The following TTC21A variants were observed in gnomAD, a reference collection of about 807,000 sequenced individuals.
TTC21A encodes the protein tetratricopeptide repeat protein 21A.
TTC21A carries 128 observed loss-of-function variants against 156.4 expected under a neutral mutation model. The observed-to-expected ratio is 0.82, with a 90% CI of 0.71 to 0.95. The LOEUF (loss-of-function observed/expected upper bound fraction) is 0.95, where lower values mean the gene tolerates loss of function less well. TTC21A is among the 40% of genes least tolerant of loss of function. The probability of loss-of-function intolerance (pLI) is 0.00; values close to 1 mark genes in which losing one functional copy is unlikely to be tolerated. For missense variants in TTC21A, 1,435 were observed against 1,602.3 expected (o/e 0.90, Z 1.78); for synonymous variants, 587 against 617.1 (o/e 0.95, Z 0.72).
rs1408219377 is a variant in TTC21A at position 39,116,567 on chromosome 3, CT to C, written c.717-1501del. ...CATAGTTCACTGCAGCCTCGAACCC[CT>C]GGGCTCAAGTGATCCTCCCAACTCA... On this transcript the variant is annotated intron_variant, in intron 6 of 28. Transcript: ENST00000683103. Among the ~76,000 whole-genome samples the C allele has an allele frequency of 2.2e-4, 34 of 152,086 alleles. 1 individual carries two copies. Among genetic ancestry groups the C allele is most frequent in the African/African-American group, 7.7e-4 (32 of 41,440 alleles).
chr3:39,109,895 A>G (rs2036660505), intron 2 of TTC21A, 134 bp from the exon 3 acceptor site: 1 of 635,074 alleles, frequency 1.6e-6, no homozygotes, highest in Non-Finnish European at 2.8e-6. Flanking sequence ...ATCTTCAGGG[A>G]ACTTGGGTCA....
intron 3 of TTC21A, 40 bp downstream of exon 3, chr3:39,110,179 G>A (rs534522579): frequency 1.3e-6 from 2 of 1,499,128 alleles, no homozygotes; most frequent in South Asian, 1.1e-5. Flanking sequence ...ACCCACCAGG[G>A]GAAGGAAAGC....
At chr3:39,126,672 C>T (rs1046218966) in intron 12 of TTC21A, among the ~76,000 whole-genome samples, 5 of 152,284 alleles carry the variant, frequency 3.3e-5, no homozygotes, top group South Asian at 2.1e-4. Flanking sequence ...CGTGCACACA[C>T]ACACAGGCAC....
In TTC21A at chr3:39,130,516, C is replaced by T. The variant is rs530615064; in HGVS notation, c.2319+158C>T. On this transcript the variant is annotated intron_variant, in intron 17 of 28. Transcript: ENST00000683103. The surrounding 1 kb of genome is among the most constrained non-coding windows in gnomAD (Gnocchi z 4.5). The stretch of plus-strand genomic sequence containing the variant: ...GTGCCAAGGGGAGAACTCAGCAACT[C>T]TCTGCTGCTGACCACACCTGCTTAA... The T allele has an allele frequency of 1.3e-5, 12 of 956,616 alleles. No individual in the cohort carries two copies. The South Asian group carries it at 1.9e-4, about 15-fold the overall frequency. The allele number at this position is 956,616 out of a possible 1,614,324, so 59.3% of individuals were successfully genotyped here. A position where few individuals can be genotyped will look rare whatever the true frequency, so the allele number is the denominator to read the frequency against.
chr3:39,137,904 AG>A (rs1385717154), intron 26 of TTC21A, 194 bp downstream of exon 26: 2 of 648,014 alleles, frequency 3.1e-6, no homozygotes, highest in East Asian at 5.5e-5. Context: ...AGGTGAGAGG[AG>A]GTGCACAGGG....
At chr3:39,124,658 C>CAAAAA (rs60845030) in intron 9 of TTC21A, among the ~76,000 whole-genome samples, 8 of 71,040 alleles carry the variant, frequency 1.1e-4, no homozygotes, top group Non-Finnish European at 1.7e-4. Flanking sequence ...AACTCCGTCT[C>CAAAAA]AAAAAAAAAA....
chr3:39,118,427 G>T, intron 7 of TTC21A: 1 of 524,776 alleles, frequency 1.9e-6, no homozygotes, highest in Non-Finnish European at 3.4e-6. Flanking sequence ...GTCCCCACCT[G>T]GATAAGCCGC....
chr3:39,138,690 C>T (rs777109297), intron 28 of TTC21A, 21 bp from the exon 29 acceptor site: 2 of 1,613,908 alleles, frequency 1.2e-6, no homozygotes, highest in South Asian at 2.2e-5. Flanking sequence ...ATACTGCACA[C>T]CCATTCTCTC....
rs1342062043 is a variant in TTC21A, at chr3:39,134,771, C to A, written c.2863-322C>A. On this transcript the variant is annotated intron_variant, in intron 21 of 28. Transcript: ENST00000683103. The surrounding 1 kb of genome is among the most constrained non-coding windows in gnomAD (Gnocchi z 4.6). ...TCCCTACCTCTATTGCCTGGCAGTT[C>A]TCAGAATGGGTGGAGAGGCTTCCCC... 2.0e-6 allele frequency: 1 copy of A among 505,330 alleles called. No homozygotes were observed. The highest frequency in any genetic ancestry group is 3.6e-6 in the Non-Finnish European group (1 of 277,948). 31.3% of individuals were successfully genotyped at this position (505,330 alleles called of 1,614,324 possible).
At position 39,137,305 on chromosome 3, in the gene TTC21A, A is replaced by C; in HGVS notation, c.3368A>C (p.Gln1123Pro). 1 of 1,614,094 alleles carries C rather than the reference A, an allele frequency of 6.2e-7. No homozygotes were observed. The highest frequency in any genetic ancestry group is 8.5e-7 in the Non-Finnish European group (1 of 1,180,000). ...DSSQTQLRLL[Q>P]GLCRLATREK... ...AGCCAGACCCAGCTGCGGCTGCTGC[A>C]GGGCCTCTGCCGGCTGGCCACCAGG... The change falls in exon 25 of 29, where the codon CAG becomes CCG. Residue 1123 changes from glutamine to proline, a missense_variant. Physicochemically the swap from Gln to Pro is moderately conservative, Grantham distance 76. Transcript: ENST00000683103.
chr3:39,129,331 A>G, intron 15 of TTC21A, 21 bp downstream of exon 15: 1 of 1,547,414 alleles, frequency 6.5e-7, no homozygotes, highest in Non-Finnish European at 8.9e-7. Context: ...CAGGCAGCAC[A>G]ATGACAGCTT....
intron 12 of TTC21A, 83 bp downstream of exon 12, chr3:39,126,473 ACTAC>A: frequency 3.0e-6 from 3 of 986,726 alleles, no homozygotes; most frequent in Admixed American, 2.0e-5. Flanking sequence ...TGCCTAGGAT[ACTAC>A]ACACACACAC....
chr3:39,134,099 A>G lies in TTC21A; in HGVS notation c.2752-119A>G, dbSNP rs2038935431. ...AGGACGTTCACGTGGGGAATTCGAGACATATTTTGAAGGCAGAGCTGATAG... is the reference window on the plus strand; with the variant it reads ...AGGACGTTCACGTGGGGAATTCGAGGCATATTTTGAAGGCAGAGCTGATAG... On this transcript the variant is annotated intron_variant, in intron 20 of 28. Transcript: ENST00000683103. The surrounding 1 kb of genome is among the most constrained non-coding windows in gnomAD (Gnocchi z 4.6). The G allele has an allele frequency of 2.8e-6, 2 of 723,606 alleles. No individual in the cohort carries two copies. Among genetic ancestry groups the G allele is most frequent in the South Asian group, 3.2e-5 (2 of 63,462 alleles). The allele number at this position is 723,606 out of a possible 1,614,324, so 44.8% of individuals were successfully genotyped here. A position where few individuals can be genotyped will look rare whatever the true frequency, so the allele number is the denominator to read the frequency against.
intron 2 of TTC21A, 63 bp from the exon 3 acceptor site, chr3:39,109,966 A>G (rs978320308): frequency 8.1e-7 from 1 of 1,241,424 alleles, no homozygotes; most frequent in Non-Finnish European, 1.2e-6. Flanking sequence ...TGGGTCAGCT[A>G]CAGAGTCTCA....
At chr3:39,119,773 C>G in intron 7 of TTC21A, 149 bp from the exon 8 acceptor site, 1 of 628,820 alleles carries the variant, frequency 1.6e-6, no homozygotes. Context: ...CTCCAATTCA[C>G]TTAAATCTGA....
chr3:39,111,751 A>G (rs1008405688), intron 4 of TTC21A, among the ~76,000 whole-genome samples: 2 of 152,192 alleles, frequency 1.3e-5, no homozygotes, highest in Admixed American at 1.3e-4. Context: ...TTGGAAGGGG[A>G]GGGATTGATT....
Position 39,137,386 on chromosome 3 carries a change from A to C in TTC21A, c.3449A>C (p.Glu1150Ala), listed in dbSNP as rs757806330. The C allele has an allele frequency of 1.6e-5, 26 of 1,612,318 alleles. No individual in the cohort carries two copies. The highest frequency in any genetic ancestry group is 2.1e-5 in the Non-Finnish European group (25 of 1,178,882). ...AGCTTCATCCAGATAGCGCAGGCTG[A>C]GGTGTGGCTGGTGGGGACTGGCGGG... ...LGSFIQIAQAEKDSVPALLAL... is the reference protein window; with the variant it reads ...LGSFIQIAQAAKDSVPALLAL... Residue 1150 changes from glutamate (E) to alanine (A), a missense_variant and splice_region_variant, in exon 25 of 29, where the codon GAG (glutamate) becomes GCG (alanine). By Grantham distance (107) the Glu-to-Ala change is moderately radical. Coordinates refer to ENST00000683103, the MANE Select transcript of TTC21A (RefSeq NM_001366900.1).
Position 39,130,808 on chromosome 3 carries a change from A to G in TTC21A, c.2427A>G (p.Lys809=). ...TAAAGAAGGTCAATAAAGCAGAAAA[A>G]GTTTTGAAGCAGGCACTGGAACATG... is the stretch of plus-strand genomic sequence containing the variant. ...LKLKKVNKAE[K]VLKQALEHDI... The change falls in exon 18 of 29, where the codon AAA becomes AAG. Residue 809 remains lysine (K), a synonymous_variant. Coordinates refer to ENST00000683103, the MANE Select transcript of TTC21A (RefSeq NM_001366900.1). The surrounding 1 kb of genome is among the most constrained non-coding windows in gnomAD (Gnocchi z 4.5). 1 of 1,614,214 alleles carries G rather than the reference A, an allele frequency of 6.2e-7. No individual in the cohort carries two copies. Among genetic ancestry groups the G allele is most frequent in the African/African-American group, 1.3e-5 (1 of 75,054 alleles).
intron 9 of TTC21A, among the ~76,000 whole-genome samples, chr3:39,124,073 T>C (rs2037999562): frequency 6.6e-6 from 1 of 152,210 alleles, no homozygotes; most frequent in Non-Finnish European, 1.5e-5. Flanking sequence ...TCAAGTATCT[T>C]TGAGGGCAAG....
Sources: allele counts gnomAD v4.1 joint callset (sites outside exome capture counted in the v4.1 genomes callset), GRCh38; gene constraint gnomAD v4.1.1; non-coding constraint Gnocchi (gnomAD v3.1); transcripts MANE v1.5; gene names NCBI Gene and HGNC (gene_info 2026-07-23, HGNC 2026-07-21).